Variants in TTBK1 observed in about 807,000 individuals in gnomAD.
TTBK1 encodes tau tubulin kinase 1.
In TTBK1, 34 loss-of-function variants were observed where a neutral mutation model predicts 108.5. The observed-to-expected ratio is 0.31, with a 90% confidence interval of 0.24 to 0.42. TTBK1 has a LOEUF of 0.42. TTBK1 is among the 10% of genes least tolerant of loss of function. The pLI is 1.00. For missense variants in TTBK1, 1,539 were observed against 1,826.0 expected (o/e 0.84, Z 2.86); for synonymous variants, 809 against 795.1 (o/e 1.02, Z -0.29).
At chr6:43,284,910 A>C in intron 14 of TTBK1, 73 bp from the exon 15 acceptor site, 1 of 1,450,080 alleles carries the variant, frequency 6.9e-7, no homozygotes, top group Non-Finnish European at 9.0e-7. Flanking sequence ...AGTGCCCAGG[A>C]GGATTCTGAA....
At position 43,285,119 on chromosome 6, in the gene TTBK1, G is replaced by A. The variant is rs1453520386; in HGVS notation, c.3709G>A (p.Ala1237Thr). Reference protein sequence around the residue: ...PPAPRSPRLPASTSAARNASA... With the variant: ...PPAPRSPRLPTSTSAARNASA... The stretch of plus-strand genomic sequence containing the variant: ...AGCGCCGCGCAGCCCGCGCCTCCCC[G>A]CGTCCACATCCGCCGCGCGCAATGC... The change falls in exon 15 of 15, where the codon GCG becomes ACG. Residue 1237 changes from alanine to threonine, a missense_variant. This residue lies in a region of TTBK1 where 1,055 missense variants were observed against 1,086.5 expected (regional missense o/e 0.97). Transcript: ENST00000259750. The surrounding 1 kb of genome is among the most constrained non-coding windows in gnomAD (Gnocchi z 4.7). 1 of 1,468,346 alleles carries A rather than the reference G, an allele frequency of 6.8e-7. No homozygotes were observed. The highest frequency in any genetic ancestry group is 8.9e-7 in the Non-Finnish European group (1 of 1,117,370). The allele number at this position is 1,468,346 out of a possible 1,614,324, so 91.0% of individuals were successfully genotyped here. A position where few individuals can be genotyped will look rare whatever the true frequency, so the allele number is the denominator to read the frequency against.
In TTBK1 at chr6:43,282,951, G is replaced by A. The variant is rs1467796384; in HGVS notation, c.2211G>A (p.Glu737=). 1.2e-6 allele frequency: 2 copies of A among 1,608,254 alleles called. No individual in the cohort carries two copies. Among genetic ancestry groups the A allele is most frequent in the African/African-American group, 1.3e-5 (1 of 74,650 alleles). The change falls in exon 14 of 15, where the codon GAG becomes GAA. Residue 737 remains glutamate (E), a synonymous_variant. Coordinates refer to ENST00000259750, the MANE Select transcript of TTBK1 (RefSeq NM_032538.3). The surrounding 1 kb of genome is among the most constrained non-coding windows in gnomAD (Gnocchi z 5.4). ...PQANGKEEEE[E]EEEDEEEEEE... is the part of the protein sequence containing the mutation. ...CTAATGGGAAGGAGGAAGAGGAGGA[G>A]GAGGAGGAAGATGAGGAAGAGGAAG...
chr6:43,254,432 G>A (rs565595771), intron 5 of TTBK1, 115 bp from the exon 6 acceptor site: 4 of 667,074 alleles, frequency 6.0e-6, no homozygotes, highest in South Asian at 2.2e-5. Flanking sequence ...CCTTGCGGGC[G>A]AGTGAATGTG....
intron 13 of TTBK1, among the ~76,000 whole-genome samples, chr6:43,274,897 G>A (rs1177282441): frequency 6.6e-6 from 1 of 152,140 alleles, no homozygotes; most frequent in Non-Finnish European, 1.5e-5. Context: ...GGGGTGGAGA[G>A]GAGGGGGAAA....
At chr6:43,268,374 G>A (rs1197716939) in intron 13 of TTBK1, among the ~76,000 whole-genome samples, 11 of 152,178 alleles carry the variant, frequency 7.2e-5, no homozygotes, top group African/African-American at 2.4e-4. Context: ...AAGCTGAAAC[G>A]GAAAGCAAGG....
In TTBK1 at chr6:43,269,053, A is replaced by G. The variant is rs749659973; in HGVS notation, c.1986+5703A>G. ...GAGGTGCAGTAACTTGCTCAAGGTC[A>G]CTCAGATTTTAAGTGGTGGAGTTGG... is the stretch of plus-strand genomic sequence containing the variant. On this transcript the variant is annotated intron_variant, in intron 13 of 14. Transcript: ENST00000259750. The surrounding 1 kb of genome is among the most constrained non-coding windows in gnomAD (Gnocchi z 4.8). Among the ~76,000 whole-genome samples, 5 of 152,160 alleles carry G rather than the reference A, an allele frequency of 3.3e-5. No individual in the cohort carries two copies. The highest frequency in any genetic ancestry group is 7.3e-5 in the Non-Finnish European group (5 of 68,030).
rs999051354 is a variant in TTBK1 at position 43,286,039 on chromosome 6, C to T, written c.*663C>T. 5.9e-5 allele frequency: 9 copies of T among 152,796 alleles called. No individual in the cohort carries two copies. Among genetic ancestry groups the T allele is most frequent in the African/African-American group, 2.2e-4 (9 of 41,428 alleles). 9.5% of individuals were successfully genotyped at this position (152,796 alleles called of 1,614,324 possible). On this transcript the variant is annotated 3_prime_UTR_variant, in exon 15 of 15. Coordinates refer to ENST00000259750, the MANE Select transcript of TTBK1 (RefSeq NM_032538.3). This position sits in a 1 kb window ranked among gnomAD's most constrained non-coding sequence, Gnocchi z 4.6. ...TGACCTGCCCCAAAGTTGGCTCCAT[C>T]CTGGACAACTCGGTGAGAGGCAGTG...
intron 12 of TTBK1, among the ~76,000 whole-genome samples, chr6:43,262,093 T>C (rs1352612567): frequency 2.0e-5 from 3 of 152,028 alleles, no homozygotes; most frequent in African/African-American, 7.2e-5. Context: ...GGAGAGGTCC[T>C]GTGGGGAGAG....
chr6:43,247,632 G>A (rs1457613892), intron 2 of TTBK1, among the ~76,000 whole-genome samples: 1 of 152,016 alleles, frequency 6.6e-6, no homozygotes, highest in East Asian at 1.9e-4. Flanking sequence ...GTACACTCCT[G>A]ACCTCTGAGT....
intron 1 of TTBK1, among the ~76,000 whole-genome samples, chr6:43,244,027 G>T: frequency 6.6e-6 from 1 of 152,012 alleles, no homozygotes; most frequent in East Asian, 1.9e-4. Context: ...GGCTGTCTCC[G>T]TAACCTCCCT....
intron 13 of TTBK1, chr6:43,270,947 G>C: frequency 1.0e-6 from 1 of 985,504 alleles, no homozygotes. Context: ...CCCCAAGGGC[G>C]GTGGTGAAGA....
At position 43,269,964 on chromosome 6, in the gene TTBK1, C is replaced by G. The variant is rs986428399; in HGVS notation, c.1986+6614C>G. 91 of 1,435,480 alleles carry G rather than the reference C, an allele frequency of 6.3e-5. No homozygotes were observed. The highest frequency in any genetic ancestry group is 1.3e-4 in the East Asian group (5 of 39,042). 88.9% of individuals were successfully genotyped at this position (1,435,480 alleles called of 1,614,324 possible). On this transcript the variant is annotated intron_variant, in intron 13 of 14. Transcript: ENST00000259750. This position sits in a 1 kb window ranked among gnomAD's most constrained non-coding sequence, Gnocchi z 4.8. ...CCACAAGACCTAGGCTGGGCCCCCC[C>G]CCTCCTGGAGGGGGCAGGTGGGGGG...
Position 43,284,258 on chromosome 6 carries a change from C to T in TTBK1, c.3518C>T (p.Pro1173Leu). The T allele has an allele frequency of 6.3e-7, 1 of 1,593,560 alleles. No individual in the cohort carries two copies. Among genetic ancestry groups the T allele is most frequent in the Non-Finnish European group, 8.5e-7 (1 of 1,175,976 alleles). The change falls in exon 14 of 15, where the codon CCC becomes CTC. Residue 1173 changes from proline to leucine, a missense_variant. By Grantham distance (98) the Pro-to-Leu change is moderately conservative (BLOSUM62 -3). Around this residue, in one of 5 missense-constraint regions of TTBK1, gnomAD observed 1,055 missense variants for 1,086.5 expected, o/e 0.97. Transcript: ENST00000259750. Reference protein sequence around the residue: ...RMPMPVAAQQPASRSHGAAPA... With the variant: ...RMPMPVAAQQLASRSHGAAPA... ...CCCATGCCTGTTGCAGCCCAGCAGC[C>T]CGCCAGCAGATCCCATGGCGCGGCC...
chr6:43,285,744 C>G lies in TTBK1; in HGVS notation c.*368C>G, dbSNP rs565946625. ...GGGGACGCCTGGTTCGTTCGCCCAC[C>G]AGGCCTAGGCTACGCTCCATGCTCC... On this transcript the variant is annotated 3_prime_UTR_variant, in exon 15 of 15. Transcript: ENST00000259750. This position sits in a 1 kb window ranked among gnomAD's most constrained non-coding sequence, Gnocchi z 4.7. 8.2e-5 allele frequency: 14 copies of G among 170,044 alleles called. No individual in the cohort carries two copies. The South Asian group carries it at 2.6e-3, about 31-fold the overall frequency. 10.5% of individuals were successfully genotyped at this position (170,044 alleles called of 1,614,324 possible).
rs1404297101 is a variant in TTBK1 at position 43,283,430 on chromosome 6, C to T, written c.2690C>T (p.Pro897Leu). The stretch of plus-strand genomic sequence containing the variant: ...TCTGTCCTCAAGTCTGAGCCCAAGC[C>T]CCCGGGGCCTGGGGCAGGGCTGGGG... ...LSSVLKSEPK[P>L]PGPGAGLGAG... Residue 897 changes from proline (P) to leucine (L), a missense_variant, in exon 14 of 15, where the codon CCC (proline) becomes CTC (leucine). By Grantham distance (98) the Pro-to-Leu change is moderately conservative. Transcript: ENST00000259750. The surrounding 1 kb of genome is among the most constrained non-coding windows in gnomAD (Gnocchi z 8.1). The T allele has an allele frequency of 2.5e-6, 4 of 1,613,466 alleles. No individual in the cohort carries two copies. Among genetic ancestry groups the T allele is most frequent in the Non-Finnish European group, 3.4e-6 (4 of 1,179,710 alleles).
At chr6:43,254,519 C>G in intron 5 of TTBK1, 28 bp from the exon 6 acceptor site, 1 of 1,526,166 alleles carries the variant, frequency 6.6e-7, no homozygotes, top group South Asian at 1.3e-5. Flanking sequence ...TTGGGGCCCC[C>G]AGAGCTCACA....
At chr6:43,254,923 A>G (rs1777344911) in intron 6 of TTBK1, 126 bp from the exon 7 acceptor site, 5 of 980,818 alleles carry the variant, frequency 5.1e-6, no homozygotes. Flanking sequence ...GGAAGGTCAG[A>G]GAGCAGGCCC....
chr6:43,250,932 T>C (rs1181992969), intron 2 of TTBK1, among the ~76,000 whole-genome samples: 1 of 152,234 alleles, frequency 6.6e-6, no homozygotes, highest in Non-Finnish European at 1.5e-5. Flanking sequence ...GAGGCAGACA[T>C]GCCGTTGTTT....
chr6:43,252,689 G>T, intron 2 of TTBK1, 50 bp from the exon 3 acceptor site: 1 of 1,601,616 alleles, frequency 6.2e-7, no homozygotes, highest in Non-Finnish European at 8.5e-7. Context: ...GTGGGATGAG[G>T]AGCTGTTCAG....
Sources: allele counts gnomAD v4.1 joint callset (sites outside exome capture counted in the v4.1 genomes callset), GRCh38; gene constraint gnomAD v4.1.1; regional missense constraint gnomAD v4.1.1; non-coding constraint Gnocchi (gnomAD v3.1); transcripts MANE v1.5; gene names NCBI Gene and HGNC (gene_info 2026-07-23, HGNC 2026-07-21).